P3H2: variants seen among roughly 807,000 people sequenced by gnomAD.
The protein encoded by P3H2 is prolyl 3-hydroxylase 2, also known as leprecan-like 1.
Under a neutral mutation model 87.0 loss-of-function variants are expected in P3H2, and 80 were observed. The ratio of observed to expected loss-of-function variants is 0.92; its 90% CI spans 0.77 to 1.11. The LOEUF is 1.11. P3H2 is among the 50% of genes least tolerant of loss of function. The pLI is 0.00. For synonymous variants in P3H2, 367 were observed against 359.3 expected, an observed-to-expected ratio of 1.02 and a Z score of -0.24; for missense variants, 1,001 against 923.9, an observed-to-expected ratio of 1.08 and a Z score of -1.08.
chr3:189,976,122 A>T (rs1233920447), intron 8 of P3H2, among the ~76,000 whole-genome samples: 1 of 152,134 alleles, frequency 6.6e-6, no homozygotes, highest in Non-Finnish European at 1.5e-5. Context: ...CTACTCACTG[A>T]TCTGGTCTGG....
At chr3:190,056,311 G>C (rs953959985) in intron 1 of P3H2, among the ~76,000 whole-genome samples, 3 of 152,182 alleles carry the variant, frequency 2.0e-5, no homozygotes, top group Non-Finnish European at 4.4e-5. Flanking sequence ...AATACAGCTT[G>C]TTAAGAAGCT....
intron 1 of P3H2, among the ~76,000 whole-genome samples, chr3:190,066,639 TA>T (rs1246432419): frequency 6.6e-6 from 1 of 151,648 alleles, no homozygotes; most frequent in East Asian, 1.9e-4. Context: ...CCTATGGAAA[TA>T]AAAAAATGGA....
intron 1 of P3H2, among the ~76,000 whole-genome samples, chr3:190,063,215 G>A (rs1726387992): frequency 6.6e-6 from 1 of 152,144 alleles, no homozygotes; most frequent in Non-Finnish European, 1.5e-5. Flanking sequence ...GCTGCTTCTA[G>A]TTAGTTAGTG....
intron 1 of P3H2, among the ~76,000 whole-genome samples, chr3:190,109,367 G>A (rs1357582912): frequency 6.6e-6 from 1 of 152,014 alleles, no homozygotes; most frequent in Non-Finnish European, 1.5e-5. Context: ...AGCCTTCTGT[G>A]AGTTGGCATT....
intron 1 of P3H2, among the ~76,000 whole-genome samples, chr3:190,091,060 G>T (rs1388463428): frequency 6.6e-6 from 1 of 152,048 alleles, no homozygotes; most frequent in Non-Finnish European, 1.5e-5. Flanking sequence ...GTCTTATTTG[G>T]AATATAATGT....
intron 1 of P3H2, among the ~76,000 whole-genome samples, chr3:190,045,321 C>T (rs1039663171): frequency 1.3e-5 from 2 of 152,152 alleles, no homozygotes; most frequent in Non-Finnish European, 2.9e-5. Flanking sequence ...ATATAAGCTT[C>T]GTGGCAGCTA....
intron 1 of P3H2, among the ~76,000 whole-genome samples, chr3:190,067,034 G>A (rs936161718): frequency 3.7e-5 from 5 of 134,900 alleles, no homozygotes; most frequent in Non-Finnish European, 6.3e-5. Flanking sequence ...TTGTAGAGAT[G>A]GGGTCTTGTT....
chr3:190,007,965 C>CACACACACACACACACATATAT lies in P3H2; in HGVS notation c.481-12524_481-12523insATATATGTGTGTGTGTGTGTGT. On this transcript the variant is annotated intron_variant, in intron 1 of 14. Transcript: ENST00000319332. The stretch of plus-strand genomic sequence containing the variant: ...GCCTGAGACTCTATTTGTTGACACA[C>CACACACACACACACACATATAT]ATATATATATATATATATATAGTAA... Among the ~76,000 whole-genome samples, 499 of 94,348 alleles carry CACACACACACACACACATATAT rather than the reference C, an allele frequency of 5.3e-3. 16 individuals are homozygous for CACACACACACACACACATATAT. Among genetic ancestry groups the CACACACACACACACACATATAT allele is most frequent in the East Asian group, 0.05 (129 of 2,606 alleles). 61.9% of individuals were successfully genotyped at this position (94,348 alleles called of 152,430 possible).
intron 1 of P3H2, among the ~76,000 whole-genome samples, chr3:190,117,577 A>G (rs566311526): frequency 6.6e-6 from 1 of 151,942 alleles, no homozygotes; most frequent in Non-Finnish European, 1.5e-5. Flanking sequence ...TCATCCTAAC[A>G]TCAGGGAATC....
chr3:189,998,179 A>G (rs1269732916), intron 1 of P3H2, among the ~76,000 whole-genome samples: 2 of 126,018 alleles, frequency 1.6e-5, no homozygotes, highest in Non-Finnish European at 3.6e-5. Flanking sequence ...CCATGAACAC[A>G]TAATATAAGA....
chr3:190,119,127 G>C (rs1200006734), intron 1 of P3H2, among the ~76,000 whole-genome samples: 3 of 92,470 alleles, frequency 3.2e-5, no homozygotes, highest in African/African-American at 4.3e-5. Context: ...AAAAGGAAGA[G>C]AGGAGAGGAG....
At chr3:190,070,222 GTTATCA>G (rs1220848069) in intron 1 of P3H2, among the ~76,000 whole-genome samples, 4 of 151,994 alleles carry the variant, frequency 2.6e-5, no homozygotes, top group African/African-American at 9.7e-5. Context: ...TATTATTATT[GTTATCA>G]TTATTATTAT....
At chr3:190,007,569 C>A (rs1414388354) in intron 1 of P3H2, among the ~76,000 whole-genome samples, 2 of 151,846 alleles carry the variant, frequency 1.3e-5, no homozygotes, top group African/African-American at 4.8e-5. Flanking sequence ...TTTTCCCAGA[C>A]AGAAAGCCAG....
intron 1 of P3H2, among the ~76,000 whole-genome samples, chr3:190,101,711 A>G (rs1037766629): frequency 6.6e-6 from 1 of 152,228 alleles, no homozygotes; most frequent in African/African-American, 2.4e-5. Flanking sequence ...TGGAAGCTGC[A>G]ACAAGTTATC....
intron 2 of P3H2, among the ~76,000 whole-genome samples, chr3:189,994,735 G>T (rs1310596562): frequency 6.8e-6 from 1 of 148,120 alleles, no homozygotes; most frequent in Non-Finnish European, 1.5e-5. Flanking sequence ...GCTACATGTT[G>T]AGAATGGTGA....
intron 8 of P3H2, 98 bp from the exon 9 acceptor site, chr3:189,974,783 C>T (rs1212888387): frequency 7.3e-7 from 1 of 1,371,546 alleles, no homozygotes; most frequent in Non-Finnish European, 1.0e-6. Context: ...CGAGTGAGTC[C>T]ATTTCTTCAT....
chr3:189,973,977 T>G lies in P3H2; in HGVS notation c.1480A>C (p.Arg494=), dbSNP rs766729715. 1 of 1,614,084 alleles carries G rather than the reference T, an allele frequency of 6.2e-7. No homozygotes were observed. Among genetic ancestry groups the G allele is most frequent in the Non-Finnish European group, 8.5e-7 (1 of 1,179,930 alleles). Residue 494 remains arginine (R), a synonymous_variant, in exon 10 of 15, where the codon AGA becomes CGA. Transcript: ENST00000319332. ...SGIMLVGDGY[R]GKTSPHTPNE... ...GGTGTATGGGGTGAAGTTTTTCCTCTGTATCCATCACCAACAAGCATGATT... is the reference window on the plus strand; with the variant it reads ...GGTGTATGGGGTGAAGTTTTTCCTCGGTATCCATCACCAACAAGCATGATT...
chr3:190,096,666 T>C (rs190785695), intron 1 of P3H2, among the ~76,000 whole-genome samples: 3 of 152,338 alleles, frequency 2.0e-5, no homozygotes, highest in African/African-American at 7.2e-5. Context: ...AGTCATGCAA[T>C]TGTGTTAGCA....
At chr3:189,974,792 A>T in intron 8 of P3H2, 107 bp from the exon 9 acceptor site, 1 of 1,344,440 alleles carries the variant, frequency 7.4e-7, no homozygotes, top group Non-Finnish European at 1.1e-6. Flanking sequence ...CCATTTCTTC[A>T]TGAATATTTA....
Sources: gnomAD v4.1 joint callset for allele counts (sites outside exome capture counted in the v4.1 genomes callset) on GRCh38, gnomAD v4.1.1 for gene constraint, MANE v1.5 for transcripts, NCBI Gene and HGNC (gene_info 2026-07-23, HGNC 2026-07-21) for gene names.